The following LRRC3B variants were observed in gnomAD, a reference collection of about 807,000 sequenced individuals.
LRRC3B encodes the protein leucine-rich repeat-containing protein 3B.
LRRC3B carries 2 observed loss-of-function variants against 12.8 expected under a neutral mutation model. The ratio of observed to expected loss-of-function variants is 0.16; its 90% CI spans 0.06 to 0.49. The LOEUF is 0.49. Among genes scored for constraint, LRRC3B ranks in the 20% least tolerant of loss-of-function variants. The probability of loss-of-function intolerance (pLI) is 0.96; values close to 1 mark genes in which losing one functional copy is unlikely to be tolerated. For missense variants in LRRC3B, 189 were observed against 319.4 expected (o/e 0.59, Z 3.11); for synonymous variants, 132 against 122.0 (o/e 1.08, Z -0.54).
rs9865395 is a variant in LRRC3B, at chr3:26,641,581, C to T, written c.-161+18344C>T. Among the ~76,000 whole-genome samples, 914 of 152,160 alleles carry T rather than the reference C, an allele frequency of 6.0e-3. 4 individuals carry two copies. Among genetic ancestry groups the T allele is most frequent in the African/African-American group, 0.02 (850 of 41,500 alleles). On this transcript the variant is annotated intron_variant, in intron 1 of 1. Transcript: ENST00000396641. ...ACCACTGCAGTTGGCTTAGGAAACC[C>T]GAGCTGGAAGTGGCAGGATGGAACG...
At chr3:26,687,630 G>A (rs1420283090) in intron 1 of LRRC3B, among the ~76,000 whole-genome samples, 1 of 152,144 alleles carries the variant, frequency 6.6e-6, no homozygotes, top group Non-Finnish European at 1.5e-5. Context: ...TGGGGTACAA[G>A]AATAGCAAGG....
chr3:26,639,627 G>C (rs776059870), intron 1 of LRRC3B, among the ~76,000 whole-genome samples: 1 of 151,942 alleles, frequency 6.6e-6, no homozygotes, highest in Non-Finnish European at 1.5e-5. Context: ...GCCACATGTG[G>C]CCAGTGATTA....
intron 1 of LRRC3B, among the ~76,000 whole-genome samples, chr3:26,629,099 C>A (rs1296398226): frequency 2.0e-5 from 3 of 152,084 alleles, no homozygotes; most frequent in East Asian, 1.9e-4. Flanking sequence ...CTATTCTCAA[C>A]CATGGAGTAA....
intron 1 of LRRC3B, among the ~76,000 whole-genome samples, chr3:26,629,935 G>A (rs1194847780): frequency 2.0e-5 from 3 of 149,442 alleles, no homozygotes; most frequent in African/African-American, 7.4e-5. Flanking sequence ...TGGGAAAGGT[G>A]GGGGCAGGAG....
At chr3:26,673,191 A>T (rs1273443463) in intron 1 of LRRC3B, among the ~76,000 whole-genome samples, 1 of 152,038 alleles carries the variant, frequency 6.6e-6, no homozygotes, top group Non-Finnish European at 1.5e-5. Context: ...GGTTGCTTTT[A>T]TTTTTTTTCT....
intron 1 of LRRC3B, chr3:26,625,276 C>T (rs1419151150): frequency 6.6e-6 from 1 of 152,326 alleles, no homozygotes; most frequent in Non-Finnish European, 1.5e-5. Context: ...TCGGAGGAAA[C>T]GTCGACTCGC....
At chr3:26,657,232 A>G (rs1185742107) in intron 1 of LRRC3B, among the ~76,000 whole-genome samples, 1 of 152,236 alleles carries the variant, frequency 6.6e-6, no homozygotes, top group East Asian at 1.9e-4. Context: ...AAATTTTATC[A>G]AAGAACTGAA....
intron 1 of LRRC3B, among the ~76,000 whole-genome samples, chr3:26,681,519 A>C (rs763925956): frequency 5.9e-5 from 9 of 152,182 alleles, no homozygotes; most frequent in Non-Finnish European, 1.3e-4. Context: ...AGCAATTATT[A>C]ATAATTCAAG....
In LRRC3B at chr3:26,671,360, A is replaced by G. The variant is rs6788611; in HGVS notation, c.-160-38153A>G. Reference sequence around the variant, plus strand: ...TGTGTATATATGTGTGTATATATATATATATATATATATAGAGAGAGAGAG... The same window carrying G: ...TGTGTATATATGTGTGTATATATATGTATATATATATATAGAGAGAGAGAG... On this transcript the variant is annotated intron_variant, in intron 1 of 1. Coordinates refer to ENST00000396641, the Ensembl canonical transcript of LRRC3B. Among the ~76,000 whole-genome samples the G allele has an allele frequency of 2.3e-3, 150 of 66,038 alleles. 6 individuals carry two copies. The East Asian group carries it at 0.029, about 13-fold the overall frequency. 43.3% of individuals were successfully genotyped at this position (66,038 alleles called of 152,430 possible).
At chr3:26,682,159 G>C (rs1047091171) in intron 1 of LRRC3B, among the ~76,000 whole-genome samples, 1 of 152,138 alleles carries the variant, frequency 6.6e-6, no homozygotes, top group Non-Finnish European at 1.5e-5. Context: ...CGAAACCATG[G>C]AGAGCAAAAC....
At chr3:26,688,183 A>G (rs933163181) in intron 1 of LRRC3B, among the ~76,000 whole-genome samples, 1 of 152,226 alleles carries the variant, frequency 6.6e-6, no homozygotes, top group African/African-American at 2.4e-5. Flanking sequence ...AAAATAATTA[A>G]AATACATCCA....
chr3:26,653,470 G>A (rs1699307536), intron 1 of LRRC3B, among the ~76,000 whole-genome samples: 1 of 152,110 alleles, frequency 6.6e-6, no homozygotes, highest in South Asian at 2.1e-4. Context: ...CATTAATAAT[G>A]GTTTAGGAGA....
chr3:26,636,962 C>G (rs1559350402), intron 1 of LRRC3B, among the ~76,000 whole-genome samples: 1 of 124,152 alleles, frequency 8.1e-6, no homozygotes, highest in East Asian at 3.9e-4. Flanking sequence ...TTCTTTCTTT[C>G]TTTCTTTCTT....
intron 1 of LRRC3B, among the ~76,000 whole-genome samples, chr3:26,694,270 A>G (rs942943500): frequency 6.6e-6 from 1 of 152,230 alleles, no homozygotes. Context: ...CTATAAAAAT[A>G]AGAAGACCTG....
At chr3:26,658,149 C>T (rs1699414469) in intron 1 of LRRC3B, among the ~76,000 whole-genome samples, 1 of 152,144 alleles carries the variant, frequency 6.6e-6, no homozygotes, top group African/African-American at 2.4e-5. Context: ...ACCATCTTGG[C>T]TACTGCAAGC....
At chr3:26,661,162 T>C (rs1699484403) in intron 1 of LRRC3B, among the ~76,000 whole-genome samples, 1 of 152,180 alleles carries the variant, frequency 6.6e-6, no homozygotes, top group Admixed American at 6.5e-5. Context: ...ACACACATAT[T>C]GGCTTCTGTT....
At chr3:26,657,191 C>T (rs999853771) in intron 1 of LRRC3B, among the ~76,000 whole-genome samples, 1 of 152,076 alleles carries the variant, frequency 6.6e-6, no homozygotes, top group African/African-American at 2.4e-5. Context: ...CCACAAACTC[C>T]CAGCTTTTCC....
At chr3:26,680,581 C>T (rs912753126) in intron 1 of LRRC3B, among the ~76,000 whole-genome samples, 14 of 152,334 alleles carry the variant, frequency 9.2e-5, no homozygotes, top group South Asian at 2.1e-4. Context: ...AACGCCTCTC[C>T]GTCATTCCAT....
At chr3:26,632,199 A>C (rs6551119) in intron 1 of LRRC3B, among the ~76,000 whole-genome samples, 38,654 of 152,258 alleles carry the variant, frequency 0.25, 5,187 homozygotes, top group African/African-American at 0.34. Context: ...AATAATTGCC[A>C]TGCGGGCAAG....
Sources: gnomAD v4.1 joint callset for allele counts (sites outside exome capture counted in the v4.1 genomes callset) on GRCh38, gnomAD v4.1.1 for gene constraint, MANE v1.5 for transcripts, NCBI Gene and HGNC (gene_info 2026-07-23, HGNC 2026-07-21) for gene names.